The following SRRM3 variants were observed in gnomAD, a reference collection of about 807,000 sequenced individuals.
SRRM3 encodes serine/arginine repetitive matrix protein 3.
In SRRM3, 27 loss-of-function variants were observed where a neutral mutation model predicts 66.2. The observed-to-expected ratio is 0.41, with a 90% CI of 0.30 to 0.56. The LOEUF is 0.56. Among genes scored for constraint, SRRM3 ranks in the 20% least tolerant of loss-of-function variants. The pLI is 0.32. For missense variants in SRRM3, 918 were observed against 991.9 expected, an observed-to-expected ratio of 0.93 and a Z score of 1.00; for synonymous variants, 391 against 414.9, an observed-to-expected ratio of 0.94 and a Z score of 0.70.
At chr7:76,249,387 A>C (rs1387554515) in intron 3 of SRRM3, among the ~76,000 whole-genome samples, 1 of 152,114 alleles carries the variant, frequency 6.6e-6, no homozygotes, top group Non-Finnish European at 1.5e-5. Context: ...CTCAAAAAAA[A>C]AAAAAAGGGT....
In SRRM3 at chr7:76,222,620, T is replaced by G. The variant is rs184600777; in HGVS notation, c.-39-12408T>G. Among the ~76,000 whole-genome samples, 24 of 151,964 alleles carry G rather than the reference T, an allele frequency of 1.6e-4. No individual in the cohort carries two copies. In the East Asian group the frequency reaches 4.3e-3, roughly 27 times the overall value. The stretch of plus-strand genomic sequence containing the variant: ...ACAAGCCCATGTTTTGTTTTGTTTT[T>G]TTAATTTTTTTAATTTTTTGAGATG... On this transcript the variant is annotated intron_variant, in intron 1 of 14. Coordinates refer to ENST00000611745, the MANE Select transcript of SRRM3 (RefSeq NM_001110199.3).
chr7:76,224,874 G>A (rs1431213134), intron 1 of SRRM3, among the ~76,000 whole-genome samples: 1 of 152,148 alleles, frequency 6.6e-6, no homozygotes, highest in Non-Finnish European at 1.5e-5. Context: ...GACTTCCCGA[G>A]TAAAAAGCAC....
intron 11 of SRRM3, among the ~76,000 whole-genome samples, chr7:76,278,512 AAG>A (rs1325542320): frequency 1.3e-5 from 2 of 150,108 alleles, no homozygotes; most frequent in Non-Finnish European, 2.9e-5. Flanking sequence ...ATAAAAATGA[AAG>A]AGGGGCCAAT....
chr7:76,242,625 A>C (rs1320064806), intron 2 of SRRM3, among the ~76,000 whole-genome samples: 2 of 152,114 alleles, frequency 1.3e-5, no homozygotes, highest in African/African-American at 4.8e-5. Context: ...ATAATTCTAC[A>C]ACTCACCATC....
At chr7:76,252,598 C>T (rs1583910858) in intron 3 of SRRM3, among the ~76,000 whole-genome samples, 1 of 151,826 alleles carries the variant, frequency 6.6e-6, no homozygotes, top group Non-Finnish European at 1.5e-5. Flanking sequence ...AGATTACAGG[C>T]GTGAGCCACC....
chr7:76,211,023 A>G (rs1554601651), intron 1 of SRRM3, among the ~76,000 whole-genome samples: 1 of 152,160 alleles, frequency 6.6e-6, no homozygotes, highest in African/African-American at 2.4e-5. Flanking sequence ...CATATTGGGT[A>G]GGCTGGTCTC....
chr7:76,248,836 C>T (rs1563624712), intron 3 of SRRM3, among the ~76,000 whole-genome samples: 1 of 151,880 alleles, frequency 6.6e-6, no homozygotes, highest in Non-Finnish European at 1.5e-5. Context: ...AAAAGTTATC[C>T]GGGCATAGTG....
chr7:76,239,676 C>T (rs1482535677), intron 2 of SRRM3, among the ~76,000 whole-genome samples: 6 of 152,114 alleles, frequency 3.9e-5, no homozygotes, highest in Non-Finnish European at 8.8e-5. Flanking sequence ...GCACTCCAGA[C>T]TGGGTGGCAG....
At position 76,256,956 on chromosome 7, in the gene SRRM3, C is replaced by A. The variant is rs190428416; in HGVS notation, c.336-2950C>A. Among the ~76,000 whole-genome samples, 161 of 152,162 alleles carry A rather than the reference C, an allele frequency of 1.1e-3. 2 individuals carry two copies. The highest frequency in any genetic ancestry group is 3.2e-3 in the African/African-American group (134 of 41,534). On this transcript the variant is annotated intron_variant, in intron 3 of 14. Coordinates refer to ENST00000611745, the MANE Select transcript of SRRM3 (RefSeq NM_001110199.3). ...AACTCCCGACCTCTGGTGATCCGCC[C>A]GCCTCAGCCTCCCAAAGTGCTGGGA...
chr7:76,227,229 C>G (rs1206285993), intron 1 of SRRM3, among the ~76,000 whole-genome samples: 1 of 152,080 alleles, frequency 6.6e-6, no homozygotes, highest in African/African-American at 2.4e-5. Flanking sequence ...TTCCCATGTG[C>G]TGCTCTGCCT....
intron 14 of SRRM3, chr7:76,283,511 CCTT>C: frequency 2.2e-6 from 1 of 451,564 alleles, no homozygotes; most frequent in Non-Finnish European, 4.4e-6. Context: ...CTCCTTTTCT[CCTT>C]CATCTCAAGG....
At chr7:76,204,872 A>C (rs1554600977) in intron 1 of SRRM3, among the ~76,000 whole-genome samples, 2 of 152,168 alleles carry the variant, frequency 1.3e-5, no homozygotes, top group East Asian at 1.9e-4. Flanking sequence ...CTGGAGTTCA[A>C]GACCAGCCTG....
At chr7:76,254,508 G>C (rs1801657030) in intron 3 of SRRM3, among the ~76,000 whole-genome samples, 1 of 152,146 alleles carries the variant, frequency 6.6e-6, no homozygotes, top group Admixed American at 6.5e-5. Flanking sequence ...AGTAGAGATG[G>C]GGTTTCACCA....
At chr7:76,226,766 T>C (rs1800874684) in intron 1 of SRRM3, among the ~76,000 whole-genome samples, 2 of 151,932 alleles carry the variant, frequency 1.3e-5, no homozygotes, top group African/African-American at 4.8e-5. Flanking sequence ...CATTTTTGTA[T>C]TTTTAGTAGA....
chr7:76,228,139 G>T (rs534990085), intron 1 of SRRM3, among the ~76,000 whole-genome samples: 1 of 152,050 alleles, frequency 6.6e-6, no homozygotes, highest in African/African-American at 2.4e-5. Flanking sequence ...CAAAGTGCTG[G>T]GATTACAGGT....
chr7:76,269,363 A>G (rs1802151003), intron 11 of SRRM3: 1 of 152,132 alleles, frequency 6.6e-6, no homozygotes, highest in Non-Finnish European at 1.5e-5. Flanking sequence ...TCAAACCTGC[A>G]TTCAGATCCC....
chr7:76,243,540 C>T (rs576013919), intron 2 of SRRM3, among the ~76,000 whole-genome samples: 9 of 152,280 alleles, frequency 5.9e-5, no homozygotes, highest in African/African-American at 1.2e-4. Context: ...GACTCCAGGA[C>T]GACCCCCAGC....
intron 1 of SRRM3, among the ~76,000 whole-genome samples, chr7:76,231,849 G>A (rs1801024038): frequency 6.6e-6 from 1 of 152,178 alleles, no homozygotes; most frequent in African/African-American, 2.4e-5. Context: ...TGAGGGATGA[G>A]TTGAAGTTCC....
chr7:76,246,423 G>T (rs1184765597), intron 2 of SRRM3, among the ~76,000 whole-genome samples: 1 of 152,050 alleles, frequency 6.6e-6, no homozygotes, highest in Admixed American at 6.6e-5. Flanking sequence ...AATTAGCCAG[G>T]CATGGTGGCA....
Sources: gnomAD v4.1 joint callset for allele counts (sites outside exome capture counted in the v4.1 genomes callset) on GRCh38, gnomAD v4.1.1 for gene constraint, MANE v1.5 for transcripts, NCBI Gene and HGNC (gene_info 2026-07-23, HGNC 2026-07-21) for gene names.